PUDP: variants seen among roughly 807,000 people sequenced by gnomAD.
The protein encoded by PUDP is pseudouridine-5'-phosphatase.
PUDP carries 8 observed loss-of-function variants against 9.4 expected under a neutral mutation model. The ratio of observed to expected loss-of-function variants is 0.85; its 90% CI spans 0.50 to 1.53. The LOEUF (loss-of-function observed/expected upper bound fraction) is 1.53, where lower values mean the gene tolerates loss of function less well. PUDP is among the 40% of genes most tolerant of loss of function. The probability of loss-of-function intolerance (pLI) is 0.00; values close to 1 mark genes in which losing one functional copy is unlikely to be tolerated. For missense variants in PUDP, 188 were observed against 189.7 expected (o/e 0.99, Z 0.05); for synonymous variants, 99 against 80.7 (o/e 1.23, Z -1.22).
At chrX:6,817,047 A>G (rs1387449341) in intron 3 of PUDP, among the ~76,000 whole-genome samples, 1 of 65,165 alleles carries the variant, frequency 1.5e-5, no homozygotes, top group Non-Finnish European at 2.4e-5. Context: ...TATACAATAT[A>G]TATACACTAT....
intron 3 of PUDP, among the ~76,000 whole-genome samples, chrX:6,870,981 G>C (rs1403068102): frequency 1.8e-5 from 2 of 112,038 alleles, no homozygotes; most frequent in African/African-American, 6.5e-5. Context: ...GGGATTACAG[G>C]CAGGCACCAC....
intron 1 of PUDP, among the ~76,000 whole-genome samples, chrX:7,024,405 T>C (rs1290387523): frequency 9.0e-6 from 1 of 111,637 alleles, no homozygotes; most frequent in Non-Finnish European, 1.9e-5. Context: ...GGAGTTTGGG[T>C]TTTTTAAAAA....
chrX:6,853,428 G>A (rs774413103), intron 3 of PUDP, among the ~76,000 whole-genome samples: 6 of 94,387 alleles, frequency 6.4e-5, no homozygotes, highest in Non-Finnish European at 1.3e-4. Flanking sequence ...TGTCAATTCT[G>A]AAAATATTCC....
chrX:7,036,388 T>G (rs1425322399), intron 1 of PUDP, among the ~76,000 whole-genome samples: 1 of 112,127 alleles, frequency 8.9e-6, no homozygotes, highest in African/African-American at 3.2e-5. Flanking sequence ...GGGCTATTTC[T>G]GTCTGCAGAT....
intron 3 of PUDP, among the ~76,000 whole-genome samples, chrX:6,905,600 C>G (rs752814327): frequency 9.0e-6 from 1 of 111,176 alleles, no homozygotes; most frequent in East Asian, 2.8e-4. Flanking sequence ...GAAATCCTCC[C>G]CCATGATCCA....
intron 1 of PUDP, among the ~76,000 whole-genome samples, chrX:7,038,029 AT>A (rs1294783245): frequency 6.2e-5 from 7 of 112,154 alleles, no homozygotes; most frequent in Admixed American, 1.9e-4. Context: ...TATAGCCATC[AT>A]TTTTTTTCTT....
intron 3 of PUDP, among the ~76,000 whole-genome samples, chrX:6,772,276 T>C (rs1337639281): frequency 9.0e-6 from 1 of 111,664 alleles, no homozygotes; most frequent in Non-Finnish European, 1.9e-5. Flanking sequence ...TTCTTTTTTT[T>C]CCTATATTAC....
intron 3 of PUDP, among the ~76,000 whole-genome samples, chrX:6,786,987 C>G (rs1925658403): frequency 9.1e-6 from 1 of 110,471 alleles, no homozygotes; most frequent in African/African-American, 3.3e-5. Flanking sequence ...TCTCCTCTCT[C>G]TGTCACTCTC....
At chrX:6,822,676 C>A (rs1052751156) in intron 3 of PUDP, among the ~76,000 whole-genome samples, 1 of 102,122 alleles carries the variant, frequency 9.8e-6, no homozygotes, top group Non-Finnish European at 2.0e-5. Flanking sequence ...CCACCCGCCT[C>A]GGCCTCCCAA....
At chrX:7,076,409 C>T (rs151304254) in intron 3 of PUDP, among the ~76,000 whole-genome samples, 4,491 of 111,739 alleles carry the variant, frequency 0.04, 215 homozygotes, top group African/African-American at 0.14. Context: ...ACATCGCCAG[C>T]GGGAGCCCCC....
chrX:6,827,193 T>C (rs952002107), intron 3 of PUDP, among the ~76,000 whole-genome samples: 7 of 111,988 alleles, frequency 6.3e-5, no homozygotes, highest in Non-Finnish European at 1.3e-4. Context: ...TCCTTCTGGA[T>C]TGGTGACCCA....
At chrX:6,850,502 T>C (rs1465869120) in intron 3 of PUDP, among the ~76,000 whole-genome samples, 1 of 112,406 alleles carries the variant, frequency 8.9e-6, no homozygotes, top group South Asian at 3.6e-4. Flanking sequence ...GAGTATTTAA[T>C]TAATCTAAAT....
At chrX:6,952,131 T>C (rs747308164) in intron 3 of PUDP, among the ~76,000 whole-genome samples, 1 of 112,137 alleles carries the variant, frequency 8.9e-6, no homozygotes, top group Non-Finnish European at 1.9e-5. Context: ...ACACCCATTA[T>C]TGAGAAAATG....
chrX:6,861,821 G>A (rs1927006225), intron 3 of PUDP, among the ~76,000 whole-genome samples: 1 of 111,345 alleles, frequency 9.0e-6, no homozygotes, highest in South Asian at 3.8e-4. Context: ...GGAAGGTATG[G>A]TCTTGGAAAC....
Position 7,050,152 on chromosome X carries a change from C to G in PUDP, c.*144G>C. 3.6e-6 allele frequency: 2 copies of G among 557,113 alleles called. No individual in the cohort carries two copies. The highest frequency in any genetic ancestry group is 5.5e-6 in the Non-Finnish European group (2 of 360,491). 45.9% of individuals were successfully genotyped at this position (557,113 alleles called of 1,213,427 possible). A position where few individuals can be genotyped will look rare whatever the true frequency, so the allele number is the denominator to read the frequency against. On this transcript the variant is annotated 3_prime_UTR_variant, in exon 4 of 4. Coordinates refer to ENST00000381077, the MANE Select transcript of PUDP (RefSeq NM_012080.5). ...TATCAACACGTTAGACTGGGACAAACCAACATGGGATGGAAACTCCAATCT... is the reference window on the plus strand; with the variant it reads ...TATCAACACGTTAGACTGGGACAAAGCAACATGGGATGGAAACTCCAATCT...
chrX:7,024,373 C>G (rs1038358064), intron 1 of PUDP, among the ~76,000 whole-genome samples: 1 of 111,456 alleles, frequency 9.0e-6, no homozygotes, highest in Non-Finnish European at 1.9e-5. Flanking sequence ...TCTTAGTCTG[C>G]TGTAGGGTTT....
intron 3 of PUDP, among the ~76,000 whole-genome samples, chrX:6,763,988 C>A (rs1253503563): frequency 8.9e-6 from 1 of 111,967 alleles, no homozygotes; most frequent in African/African-American, 3.2e-5. Context: ...TGTTTCAACC[C>A]TTTATCATAG....
chrX:6,776,846 A>AT (rs1212115214), intron 3 of PUDP, among the ~76,000 whole-genome samples: 2 of 112,395 alleles, frequency 1.8e-5, no homozygotes, highest in African/African-American at 3.2e-5. Flanking sequence ...GATTTTTCCC[A>AT]TTTTTTATGA....
chrX:6,849,211 A>C (rs1360429261), intron 3 of PUDP, among the ~76,000 whole-genome samples: 2 of 112,175 alleles, frequency 1.8e-5, no homozygotes, highest in African/African-American at 6.5e-5. Context: ...CGAAGACTAC[A>C]TCAGGCGCCT....
Sources: allele counts gnomAD v4.1 joint callset (sites outside exome capture counted in the v4.1 genomes callset), GRCh38; gene constraint gnomAD v4.1.1; transcripts MANE v1.5; gene names NCBI Gene and HGNC (gene_info 2026-07-23, HGNC 2026-07-21).